Variants in GALNTL6 observed in about 807,000 individuals in gnomAD.
The protein encoded by GALNTL6 is polypeptide N-acetylgalactosaminyltransferase like 6, also known as polypeptide N-acetylgalactosaminyltransferase-like 6.
A neutral mutation model predicts 73.7 loss-of-function variants in GALNTL6; 46 were observed. That is an observed-to-expected ratio of 0.62 (90% confidence interval 0.49 to 0.80). The LOEUF (loss-of-function observed/expected upper bound fraction) is 0.80. Among genes scored for constraint, GALNTL6 ranks in the 30% least tolerant of loss-of-function variants. GALNTL6 has a pLI of 0.00. For synonymous variants in GALNTL6, 259 were observed against 263.7 expected, an observed-to-expected ratio of 0.98 and a Z score of 0.17; for missense variants, 604 against 755.0, an observed-to-expected ratio of 0.80 and a Z score of 2.34.
intron 5 of GALNTL6, among the ~76,000 whole-genome samples, chr4:172,638,101 A>G (rs1739779905): frequency 6.6e-6 from 1 of 152,120 alleles, no homozygotes; most frequent in Admixed American, 6.6e-5. Context: ...CATTGTTGCA[A>G]TAACTTCACT....
intron 8 of GALNTL6, among the ~76,000 whole-genome samples, chr4:172,885,817 A>T (rs1275612630): frequency 6.6e-6 from 1 of 152,172 alleles, no homozygotes; most frequent in Non-Finnish European, 1.5e-5. Context: ...AAATGATCCT[A>T]TGCTTTTTGT....
At chr4:173,017,670 C>G (rs916060628) in intron 11 of GALNTL6, among the ~76,000 whole-genome samples, 1 of 152,160 alleles carries the variant, frequency 6.6e-6, no homozygotes, top group Non-Finnish European at 1.5e-5. Context: ...GGAAAGTAAT[C>G]AACAGGTAAT....
chr4:172,918,018 G>C (rs548140260), intron 8 of GALNTL6, among the ~76,000 whole-genome samples: 1 of 152,324 alleles, frequency 6.6e-6, no homozygotes, highest in South Asian at 2.1e-4. Flanking sequence ...ATCAATGATA[G>C]ACTGGATAAA....
intron 4 of GALNTL6, among the ~76,000 whole-genome samples, chr4:172,337,603 T>C (rs1001558423): frequency 1.6e-4 from 24 of 152,130 alleles, no homozygotes; most frequent in African/African-American, 5.8e-4. Flanking sequence ...TCTTCTGACT[T>C]ACAAGGTTTC....
intron 12 of GALNTL6, among the ~76,000 whole-genome samples, chr4:173,022,144 GAGAGAGA>G (rs1204211781): frequency 8.8e-5 from 11 of 125,302 alleles, no homozygotes; most frequent in African/African-American, 1.3e-4. Context: ...GGAAGGAAAA[GAGAGAGA>G]GAAGGCAGGA....
chr4:172,556,175 G>T (rs1035001536), intron 5 of GALNTL6, among the ~76,000 whole-genome samples: 1 of 151,970 alleles, frequency 6.6e-6, no homozygotes, highest in Non-Finnish European at 1.5e-5. Context: ...TAGTGAAATA[G>T]GGTACTTAGC....
At position 172,664,484 on chromosome 4, in the gene GALNTL6, C is replaced by T. The variant is rs563377354; in HGVS notation, c.554-144877C>T. Among the ~76,000 whole-genome samples, 214 of 152,324 alleles carry T rather than the reference C, an allele frequency of 1.4e-3. 1 individual carries two copies. Among genetic ancestry groups the T allele is most frequent in the African/African-American group, 4.9e-3 (205 of 41,566 alleles). On this transcript the variant is annotated intron_variant, in intron 5 of 12. Coordinates refer to ENST00000506823, the MANE Select transcript of GALNTL6 (RefSeq NM_001034845.3). ...TTTATAACACCCAAATCTCTTGTCT[C>T]TTTTCCTCTGGACATAACTAAGGTA...
intron 2 of GALNTL6, among the ~76,000 whole-genome samples, chr4:171,958,651 C>G (rs1446110561): frequency 1.3e-5 from 2 of 152,006 alleles, no homozygotes; most frequent in African/African-American, 4.8e-5. Context: ...TATTTACAAA[C>G]TTTACATTAC....
At chr4:172,162,772 C>A (rs1171167557) in intron 2 of GALNTL6, among the ~76,000 whole-genome samples, 1 of 152,002 alleles carries the variant, frequency 6.6e-6, no homozygotes, top group Admixed American at 6.6e-5. Context: ...ATCAGCTTTT[C>A]AGACTTCTGA....
intron 5 of GALNTL6, among the ~76,000 whole-genome samples, chr4:172,593,735 G>C (rs564635429): frequency 1.3e-5 from 2 of 150,460 alleles, no homozygotes; most frequent in East Asian, 3.9e-4. Context: ...TTTTTTGTTT[G>C]TTTTGTTTTT....
chr4:172,567,333 A>G (rs918945194), intron 5 of GALNTL6, among the ~76,000 whole-genome samples: 8 of 152,138 alleles, frequency 5.3e-5, no homozygotes, highest in Non-Finnish European at 1.0e-4. Context: ...ATGAAATAAT[A>G]TCACTAAACC....
At chr4:172,670,996 T>A (rs1026114375) in intron 5 of GALNTL6, among the ~76,000 whole-genome samples, 3 of 152,178 alleles carry the variant, frequency 2.0e-5, no homozygotes, top group African/African-American at 7.2e-5. Flanking sequence ...TCTATTCTGT[T>A]CCATTGGTCT....
intron 2 of GALNTL6, among the ~76,000 whole-genome samples, chr4:172,034,761 A>C (rs1289063888): frequency 6.6e-6 from 1 of 152,130 alleles, no homozygotes; most frequent in Non-Finnish European, 1.5e-5. Flanking sequence ...AATATGACAC[A>C]AAATGACAGA....
chr4:171,916,555 C>A (rs560622500), intron 2 of GALNTL6, among the ~76,000 whole-genome samples: 1 of 152,204 alleles, frequency 6.6e-6, no homozygotes, highest in South Asian at 2.1e-4. Context: ...ACTTTTATCT[C>A]ATTAAATCTT....
rs544682905 is a variant in GALNTL6 at position 173,031,824 on chromosome 4, G to A, written c.1639-8109G>A. Among the ~76,000 whole-genome samples the A allele has an allele frequency of 6.6e-5, 10 of 152,256 alleles. No homozygotes were observed. In the East Asian group the frequency reaches 1.9e-3, roughly 29 times the overall value. On this transcript the variant is annotated intron_variant, in intron 12 of 12. Transcript: ENST00000506823. ...ACTCATGGAGATTTCAGTACAGAGG[G>A]GAAGCGGACAAATACTACTTAAAGG...
In GALNTL6 at chr4:172,229,784, C is replaced by T. The variant is rs1298514316; in HGVS notation, c.247+20C>T. The stretch of plus-strand genomic sequence containing the variant: ...GCTCAGGTATGAAGCTCAGTGTACG[C>T]CAAAGTGCTATTTCACTCGCAGCAG... On this transcript the variant is annotated intron_variant, in intron 3 of 12. Transcript: ENST00000506823. 4.1e-6 allele frequency: 6 copies of T among 1,449,722 alleles called. No homozygotes were observed. The highest frequency in any genetic ancestry group is 4.8e-6 in the Non-Finnish European group (5 of 1,033,382). The allele number at this position is 1,449,722 out of a possible 1,614,324, so 89.8% of individuals were successfully genotyped here.
chr4:172,757,992 C>T (rs1304323583), intron 5 of GALNTL6, among the ~76,000 whole-genome samples: 1 of 152,126 alleles, frequency 6.6e-6, no homozygotes, highest in East Asian at 1.9e-4. Context: ...AAACATTACA[C>T]AGAAAGTTGA....
chr4:171,985,921 C>A (rs1450548428), intron 2 of GALNTL6, among the ~76,000 whole-genome samples: 1 of 150,630 alleles, frequency 6.6e-6, no homozygotes, highest in East Asian at 2.0e-4. Flanking sequence ...ACCTGTAATC[C>A]CAGCTTCTCA....
intron 5 of GALNTL6, among the ~76,000 whole-genome samples, chr4:172,502,704 CATAAAGAAG>C (rs1362401001): frequency 6.6e-6 from 1 of 152,152 alleles, no homozygotes; most frequent in African/African-American, 2.4e-5. Flanking sequence ...TTAGTAAAGA[CATAAAGAAG>C]TATTGAGCAC....
Sources: allele counts gnomAD v4.1 joint callset (sites outside exome capture counted in the v4.1 genomes callset), GRCh38; gene constraint gnomAD v4.1.1; transcripts MANE v1.5; gene names NCBI Gene and HGNC (gene_info 2026-07-23, HGNC 2026-07-21).